The following TMCO4 variants were observed in gnomAD, a reference collection of about 807,000 sequenced individuals.
The protein encoded by TMCO4 is transmembrane and coiled-coil domains 4.
Under a neutral mutation model 64.7 loss-of-function variants are expected in TMCO4, and 58 were observed. The ratio of observed to expected loss-of-function variants is 0.90; its 90% confidence interval spans 0.73 to 1.12. The LOEUF is 1.12. TMCO4 is among the 50% of genes most tolerant of loss of function. The pLI is 0.00. For missense variants in TMCO4, 780 were observed against 825.9 expected, an observed-to-expected ratio of 0.94 and a Z score of 0.68; for synonymous variants, 325 against 346.1, an observed-to-expected ratio of 0.94 and a Z score of 0.68.
chr1:19,708,942 T>A (rs558010203), intron 13 of TMCO4, among the ~76,000 whole-genome samples: 28 of 152,308 alleles, frequency 1.8e-4, no homozygotes, highest in Non-Finnish European at 2.9e-5. Context: ...ATTTCCTGAC[T>A]GCGGGTCCAG....
At chr1:19,686,236 CT>C (rs1404776002) in intron 15 of TMCO4, among the ~76,000 whole-genome samples, 1 of 152,182 alleles carries the variant, frequency 6.6e-6, no homozygotes, top group Non-Finnish European at 1.5e-5. Context: ...GGATCTGCCC[CT>C]GAGATGGAGT....
intron 15 of TMCO4, among the ~76,000 whole-genome samples, chr1:19,688,396 C>T (rs987406551): frequency 1.3e-5 from 2 of 152,132 alleles, no homozygotes; most frequent in Admixed American, 6.5e-5. Flanking sequence ...CCAACTTACC[C>T]AAACAGAGGC....
intron 10 of TMCO4, among the ~76,000 whole-genome samples, chr1:19,741,252 GGGTA>G (rs1275088090): frequency 1.3e-5 from 2 of 152,236 alleles, no homozygotes; most frequent in Non-Finnish European, 2.9e-5. Flanking sequence ...TCCCTTCATA[GGGTA>G]GGTATAAGAA....
At chr1:19,718,467 A>G (rs1164898668) in intron 13 of TMCO4, among the ~76,000 whole-genome samples, 4 of 151,832 alleles carry the variant, frequency 2.6e-5, no homozygotes, top group African/African-American at 9.7e-5. Context: ...AGCCTGCACA[A>G]CATAGCAAGG....
chr1:19,691,611 A>G (rs2100554350), intron 15 of TMCO4, among the ~76,000 whole-genome samples: 1 of 152,274 alleles, frequency 6.6e-6, no homozygotes, highest in South Asian at 2.1e-4. Flanking sequence ...TGGTGGAGTG[A>G]TCAGAACAGG....
At chr1:19,741,334 T>C (rs1048798214) in intron 10 of TMCO4, among the ~76,000 whole-genome samples, 3 of 152,252 alleles carry the variant, frequency 2.0e-5, no homozygotes, top group Non-Finnish European at 4.4e-5. Context: ...ATTCTGGCAT[T>C]AAGCTGCTAA....
chr1:19,740,798 G>C lies in TMCO4; in HGVS notation c.1021C>G (p.Leu341Val), dbSNP rs763081677. Residue 341 changes from leucine to valine, a missense_variant, in exon 11 of 16, where the codon CTA becomes GTA. Transcript: ENST00000294543. Reference protein sequence around the residue: ...GLANMVAQEALKYTVLSGIVA... With the variant: ...GLANMVAQEAVKYTVLSGIVA... Reference sequence around the variant, plus strand: ...TTACCAGACAACACTGTGTACTTTAGGGCCTCCTGGGCCACCATGTTGGCG... The same window carrying C: ...TTACCAGACAACACTGTGTACTTTACGGCCTCCTGGGCCACCATGTTGGCG... The C allele has an allele frequency of 1.2e-6, 2 of 1,613,102 alleles. No homozygotes were observed. Among genetic ancestry groups the C allele is most frequent in the South Asian group, 2.2e-5 (2 of 90,900 alleles).
rs2095434391 is a variant in TMCO4 at position 19,732,536 on chromosome 1, C to A, written c.1264+4836G>T. On this transcript the variant is annotated intron_variant, in intron 13 of 15. Coordinates refer to ENST00000294543, the MANE Select transcript of TMCO4 (RefSeq NM_181719.7). This position sits in a 1 kb window ranked among gnomAD's most constrained non-coding sequence, Gnocchi z 4.8. ...CTTTCTCACCTCCTCTCTAGATGAT[C>A]AATGAGGCAGGGATGGGATGTTATG... Among the ~76,000 whole-genome samples the A allele has an allele frequency of 6.6e-6, 1 of 152,044 alleles. No homozygotes were observed. Among genetic ancestry groups the A allele is most frequent in the Non-Finnish European group, 1.5e-5 (1 of 68,020 alleles).
At chr1:19,776,749 C>T (rs769626538) in intron 4 of TMCO4, among the ~76,000 whole-genome samples, 44 of 152,194 alleles carry the variant, frequency 2.9e-4, no homozygotes, top group South Asian at 4.2e-4. Flanking sequence ...AAAAGCCAGG[C>T]GGCCGCGGTG....
intron 15 of TMCO4, among the ~76,000 whole-genome samples, chr1:19,693,697 C>A (rs142172799): frequency 1.2e-4 from 18 of 152,248 alleles, no homozygotes; most frequent in African/African-American, 4.1e-4. Context: ...GGCAGTGGGG[C>A]CCTGGGCTCT....
chr1:19,738,659 C>T (rs533929083), intron 12 of TMCO4, among the ~76,000 whole-genome samples: 37 of 152,324 alleles, frequency 2.4e-4, no homozygotes, highest in African/African-American at 8.4e-4. Context: ...GTCAAGCCTG[C>T]CGAAGGATTT....
intron 13 of TMCO4, among the ~76,000 whole-genome samples, chr1:19,718,741 C>T (rs1467840049): frequency 1.1e-4 from 17 of 150,790 alleles, no homozygotes; most frequent in African/African-American, 9.8e-5. Context: ...GGAAGAAGAA[C>T]GAGACGGACT....
intron 6 of TMCO4, 32 bp from the exon 7 acceptor site, chr1:19,755,798 T>C: frequency 1.2e-6 from 2 of 1,613,472 alleles, no homozygotes; most frequent in Non-Finnish European, 1.7e-6. Flanking sequence ...CGGAAAAGAA[T>C]CAGTTTAGGT....
chr1:19,716,990 C>T (rs2095359839), intron 13 of TMCO4, among the ~76,000 whole-genome samples: 1 of 152,094 alleles, frequency 6.6e-6, no homozygotes, highest in Admixed American at 6.6e-5. Context: ...AGTTCGAGAC[C>T]AGCCTGGCCA....
At chr1:19,740,199 C>T (rs906222104) in intron 11 of TMCO4, among the ~76,000 whole-genome samples, 2 of 152,206 alleles carry the variant, frequency 1.3e-5, no homozygotes, top group African/African-American at 4.8e-5. Context: ...CGTCTCCACA[C>T]CCTGTACCCT....
chr1:19,746,628 G>A (rs772701366), intron 8 of TMCO4, 29 bp from the exon 9 acceptor site: 2 of 1,587,218 alleles, frequency 1.3e-6, no homozygotes, highest in Non-Finnish European at 1.7e-6. Context: ...TTTCAGGTGG[G>A]AGTAAAAATG....
rs2044123275 is a variant in TMCO4, at chr1:19,792,929, C to T, written c.-101+5208G>A. The stretch of plus-strand genomic sequence containing the variant: ...AGGATTACAGGTGCACACCATGATG[C>T]CTGGCCAAGTTTTGTATCTTTAGTA... On this transcript the variant is annotated intron_variant, in intron 2 of 15. Coordinates refer to ENST00000294543, the MANE Select transcript of TMCO4 (RefSeq NM_181719.7). Among the ~76,000 whole-genome samples, 5 of 152,028 alleles carry T rather than the reference C, an allele frequency of 3.3e-5. No individual in the cohort carries two copies. In the South Asian group the frequency reaches 1.0e-3, roughly 32 times the overall value.
chr1:19,733,090 AC>A (rs1557529830), intron 13 of TMCO4, among the ~76,000 whole-genome samples: 4 of 151,808 alleles, frequency 2.6e-5, no homozygotes, highest in African/African-American at 7.2e-5. Flanking sequence ...ACATGGTGAA[AC>A]CCCGACTCTA....
chr1:19,727,040 G>A (rs1295319072), intron 13 of TMCO4, among the ~76,000 whole-genome samples: 5 of 152,178 alleles, frequency 3.3e-5, no homozygotes, highest in Non-Finnish European at 4.4e-5. Flanking sequence ...CTAGGATGAC[G>A]CATGGTAGAG....
Sources: allele counts gnomAD v4.1 joint callset (sites outside exome capture counted in the v4.1 genomes callset), GRCh38; gene constraint gnomAD v4.1.1; non-coding constraint Gnocchi (gnomAD v3.1); transcripts MANE v1.5; gene names NCBI Gene and HGNC (gene_info 2026-07-23, HGNC 2026-07-21).